The following IFIH1 variants were observed in gnomAD, a reference collection of about 807,000 sequenced individuals.
The protein encoded by IFIH1 is interferon induced with helicase C domain 1, also known as interferon-induced helicase C domain-containing protein 1.
IFIH1 carries 125 observed loss-of-function variants against 107.4 expected under a neutral mutation model. The observed-to-expected ratio is 1.16, with a 90% CI of 1.01 to 1.35. The LOEUF (loss-of-function observed/expected upper bound fraction) is 1.35. Among genes scored for constraint, IFIH1 ranks in the 40% most tolerant of loss-of-function variants. IFIH1 has a pLI of 0.00. For synonymous variants in IFIH1, 458 were observed against 413.2 expected (o/e 1.11, Z -1.31); for missense variants, 1,333 against 1,213.7 (o/e 1.10, Z -1.46).
chr2:162,271,189 T>C (rs1691028795), intron 13 of IFIH1, among the ~76,000 whole-genome samples: 1 of 152,156 alleles, frequency 6.6e-6, no homozygotes, highest in Non-Finnish European at 1.5e-5. Flanking sequence ...TGTATTTTCT[T>C]ATCATTCAGA....
At chr2:162,281,246 C>T (rs1682801640) in intron 7 of IFIH1, 82 bp downstream of exon 7, 1 of 1,060,192 alleles carries the variant, frequency 9.4e-7, no homozygotes, top group Non-Finnish European at 1.4e-6. Flanking sequence ...CACTTGAACT[C>T]AATCTTATTT....
chr2:162,281,291 T>C, intron 7 of IFIH1, 37 bp downstream of exon 7: 3 of 1,530,720 alleles, frequency 2.0e-6, no homozygotes, highest in Non-Finnish European at 2.7e-6. Flanking sequence ...TTGTTTTAGC[T>C]TTGCTTTCAT....
At chr2:162,281,256 T>C in intron 7 of IFIH1, 72 bp downstream of exon 7, 2 of 1,187,578 alleles carry the variant, frequency 1.7e-6, no homozygotes, top group Admixed American at 2.0e-5. Flanking sequence ...CAATCTTATT[T>C]AATAAGACCA....
chr2:162,267,749 A>G (rs1191131396), intron 14 of IFIH1, among the ~76,000 whole-genome samples, 180 bp from the exon 15 acceptor site: 2 of 152,184 alleles, frequency 1.3e-5, no homozygotes, highest in Non-Finnish European at 1.5e-5. Context: ...TCTTCTACAC[A>G]TACCTCTCAA....
intron 14 of IFIH1, 130 bp from the exon 15 acceptor site, chr2:162,267,699 C>G (rs2105187286): frequency 1.4e-6 from 1 of 698,158 alleles, no homozygotes. Context: ...TCCTTCCCTC[C>G]TGCTTCCCAG....
chr2:162,283,467 T>G (rs1682845101), intron 5 of IFIH1, among the ~76,000 whole-genome samples: 1 of 151,866 alleles, frequency 6.6e-6, no homozygotes, highest in Non-Finnish European at 1.5e-5. Flanking sequence ...GGAGAAAAAA[T>G]ATAAGGCCAT....
chr2:162,310,700 G>T, intron 2 of IFIH1, 65 bp downstream of exon 2: 1 of 1,369,752 alleles, frequency 7.3e-7, no homozygotes, highest in Non-Finnish European at 1.0e-6. Context: ...GTGTCTTTCT[G>T]CTTTATTGAA....
At chr2:162,314,456 C>CTT (rs1244691032) in intron 1 of IFIH1, among the ~76,000 whole-genome samples, 2 of 107,236 alleles carry the variant, frequency 1.9e-5, no homozygotes, top group Non-Finnish European at 3.4e-5. Context: ...TTCTTTCTTT[C>CTT]TTTCTTTCTT....
chr2:162,271,572 G>A (rs756676375), intron 13 of IFIH1, among the ~76,000 whole-genome samples: 4 of 152,138 alleles, frequency 2.6e-5, no homozygotes, highest in African/African-American at 7.2e-5. Context: ...AGACCTGCAC[G>A]TTGTGCACAT....
At chr2:162,307,685 T>A (rs527513701) in intron 2 of IFIH1, among the ~76,000 whole-genome samples, 1 of 152,338 alleles carries the variant, frequency 6.6e-6, no homozygotes, top group East Asian at 1.9e-4. Context: ...CATTTTTTAT[T>A]ATCTCATCTT....
intron 3 of IFIH1, among the ~76,000 whole-genome samples, chr2:162,305,001 G>T (rs1683256305): frequency 6.6e-6 from 1 of 152,132 alleles, no homozygotes; most frequent in South Asian, 2.1e-4. Context: ...AGCTATCGAG[G>T]CATTATTTAA....
At chr2:162,294,432 C>A (rs1274331063) in intron 3 of IFIH1, among the ~76,000 whole-genome samples, 1 of 151,892 alleles carries the variant, frequency 6.6e-6, no homozygotes, top group Non-Finnish European at 1.5e-5. Context: ...AACACTTACA[C>A]AACCTCATCC....
In IFIH1 at chr2:162,309,959, T is replaced by A. The variant is rs1326280715; in HGVS notation, c.622+806A>T. Among the ~76,000 whole-genome samples the A allele has an allele frequency of 2.0e-5, 3 of 152,318 alleles. No homozygotes were observed. In the East Asian group the frequency reaches 5.8e-4, roughly 29 times the overall value. On this transcript the variant is annotated intron_variant, in intron 2 of 15. Coordinates refer to ENST00000649979, the MANE Select transcript of IFIH1 (RefSeq NM_022168.4). ...TTTCCAATGACATTTTTCTCATTTC[T>A]CTCTGTGACCTCACCAGAATCACCC...
chr2:162,268,036 C>A, intron 14 of IFIH1, 51 bp downstream of exon 14: 1 of 1,301,566 alleles, frequency 7.7e-7, no homozygotes, highest in Non-Finnish European at 1.1e-6. Context: ...TACAATGCAA[C>A]CTGCTTCACC....
intron 2 of IFIH1, among the ~76,000 whole-genome samples, chr2:162,307,921 C>T (rs1253478707): frequency 6.6e-6 from 1 of 152,116 alleles, no homozygotes; most frequent in African/African-American, 2.4e-5. Flanking sequence ...ATATTATTGT[C>T]TCCATTTTAC....
chr2:162,316,526 T>C (rs1486548672), intron 1 of IFIH1, among the ~76,000 whole-genome samples: 1 of 152,216 alleles, frequency 6.6e-6, no homozygotes, highest in East Asian at 1.9e-4. Flanking sequence ...AGGCCCTGTG[T>C]CTGTCAAGTC....
In IFIH1 at chr2:162,280,032, T is replaced by C. The variant is rs376364797; in HGVS notation, c.1605A>G (p.Pro535=). Reference sequence around the variant, plus strand: ...CATCTGCAATGGCAAACTTCTTGCATGGCTCCTGTATTTGGTTTTTCAGTT... The same window carrying C: ...CATCTGCAATGGCAAACTTCTTGCACGGCTCCTGTATTTGGTTTTTCAGTT... ...LDQLKNQIQE[P]CKKFAIADAT... The change falls in exon 8 of 16, where the codon CCA becomes CCG. Residue 535 remains proline (P), a synonymous_variant. Transcript: ENST00000649979. The C allele has an allele frequency of 6.2e-6, 10 of 1,610,582 alleles. No homozygotes were observed. In the African/African-American group the frequency reaches 1.3e-4, roughly 22 times the overall value.
Position 162,318,143 on chromosome 2 carries a change from G to T in IFIH1, c.165C>A (p.Asn55Lys), listed in dbSNP as rs770971752. 6.2e-7 allele frequency: 1 copy of T among 1,614,236 alleles called. No individual in the cohort carries two copies. Among genetic ancestry groups the T allele is most frequent in the Non-Finnish European group, 8.5e-7 (1 of 1,180,044 alleles). The change falls in exon 1 of 16, where the codon AAC (asparagine) becomes AAA (lysine). Residue 55 changes from asparagine (N) to lysine (K), a missense_variant. Asn to Lys is a moderately conservative substitution (Grantham distance 94, BLOSUM62 0). Transcript: ENST00000649979. ...TCAGCAGCAGTTCAACTGCCTGCAT[G>T]TTCCCGGAGGTGGCGACTGTCCTCT... Reference protein sequence around the residue: ...QIQRTVATSGNMQAVELLLST... With the variant: ...QIQRTVATSGKMQAVELLLST...
At chr2:162,304,763 A>C (rs551461709) in intron 3 of IFIH1, among the ~76,000 whole-genome samples, 1 of 152,216 alleles carries the variant, frequency 6.6e-6, no homozygotes, top group Non-Finnish European at 1.5e-5. Flanking sequence ...TAGCAGCCAA[A>C]TTGAAAAGAT....
Sources: gnomAD v4.1 joint callset for allele counts (sites outside exome capture counted in the v4.1 genomes callset) on GRCh38, gnomAD v4.1.1 for gene constraint, MANE v1.5 for transcripts, NCBI Gene and HGNC (gene_info 2026-07-23, HGNC 2026-07-21) for gene names.